RAD54L2: variants seen among roughly 807,000 people sequenced by gnomAD.
The protein encoded by RAD54L2 is RAD54 like 2.
A neutral mutation model predicts 138.4 loss-of-function variants in RAD54L2; 27 were observed. That is an observed-to-expected ratio of 0.20 (90% CI 0.14 to 0.27). The LOEUF is 0.27. Among genes scored for constraint, RAD54L2 ranks in the 10% least tolerant of loss-of-function variants. The pLI, the probability that RAD54L2 is intolerant of heterozygous loss-of-function variation, is 1.00. For missense variants in RAD54L2, 1,396 were observed against 1,890.2 expected (o/e 0.74, Z 4.85); for synonymous variants, 644 against 723.2 (o/e 0.89, Z 1.76).
chr3:51,662,542 A>C lies in RAD54L2; in HGVS notation c.3526A>C (p.Ile1176Leu). 1 of 1,613,794 alleles carries C rather than the reference A, an allele frequency of 6.2e-7. No homozygotes were observed. Among genetic ancestry groups the C allele is most frequent in the Non-Finnish European group, 8.5e-7 (1 of 1,179,850 alleles). ...RPVSPDSPEIISELQQYADVA... is the reference protein window; with the variant it reads ...RPVSPDSPEILSELQQYADVA... ...CGTCTCTCCTGACAGCCCAGAGATC[A>C]TCAGTGAGCTTCAGCAGTATGCAGA... The change falls in exon 23 of 23, where the codon ATC becomes CTC. Residue 1176 changes from isoleucine (I) to leucine (L), a missense_variant. Ile to Leu is a conservative substitution (Grantham distance 5). Transcript: ENST00000684192. This position sits in a 1 kb window ranked among gnomAD's most constrained non-coding sequence, Gnocchi z 4.6.
At chr3:51,627,405 C>T (rs1700716027) in intron 3 of RAD54L2, 148 bp from the exon 4 acceptor site, 1 of 720,382 alleles carries the variant, frequency 1.4e-6, no homozygotes, top group Non-Finnish European at 2.4e-6. Flanking sequence ...GTAGATACAT[C>T]CACTGATGTT....
intron 2 of RAD54L2, among the ~76,000 whole-genome samples, chr3:51,566,137 C>T (rs1699211502): frequency 6.6e-6 from 1 of 152,166 alleles, no homozygotes; most frequent in Non-Finnish European, 1.5e-5. Context: ...ACTGAGCTCC[C>T]TTTATGTCTA....
chr3:51,559,557 C>T (rs1297777352), intron 2 of RAD54L2, among the ~76,000 whole-genome samples: 1 of 152,206 alleles, frequency 6.6e-6, no homozygotes, highest in Non-Finnish European at 1.5e-5. Flanking sequence ...CCTCAGAGCT[C>T]TTCCCTTCCC....
chr3:51,602,075 G>A (rs778369657), intron 3 of RAD54L2, among the ~76,000 whole-genome samples: 43 of 151,738 alleles, frequency 2.8e-4, no homozygotes, highest in Non-Finnish European at 5.6e-4. Flanking sequence ...CAAGTGATCC[G>A]CCTGCCTTTG....
At chr3:51,591,023 A>G (rs1387590165) in intron 3 of RAD54L2, among the ~76,000 whole-genome samples, 1 of 152,166 alleles carries the variant, frequency 6.6e-6, no homozygotes, top group East Asian at 1.9e-4. Context: ...TCTTAGACAG[A>G]TTCACAACTT....
chr3:51,576,636 G>A (rs2106677765), intron 2 of RAD54L2, among the ~76,000 whole-genome samples: 1 of 152,286 alleles, frequency 6.6e-6, no homozygotes, highest in Middle Eastern at 3.4e-3. Context: ...TATTTGTGTA[G>A]AGGTGTTTAT....
chr3:51,577,767 C>T (rs1448834827), intron 2 of RAD54L2, among the ~76,000 whole-genome samples: 1 of 152,098 alleles, frequency 6.6e-6, no homozygotes, highest in Non-Finnish European at 1.5e-5. Flanking sequence ...TCCGTGGGCT[C>T]CACCCAGTGT....
At chr3:51,649,955 TG>T (rs1272892200) in intron 19 of RAD54L2, among the ~76,000 whole-genome samples, 2 of 147,168 alleles carry the variant, frequency 1.4e-5, no homozygotes, top group South Asian at 4.2e-4. Context: ...TAAATGTAAA[TG>T]GGCTAAATGC....
chr3:51,544,316 G>GT (rs1698631307), intron 2 of RAD54L2, among the ~76,000 whole-genome samples: 2 of 152,238 alleles, frequency 1.3e-5, no homozygotes, highest in South Asian at 4.1e-4. Context: ...CTCTGCTTTT[G>GT]TTTTTCCAGG....
At position 51,638,638 on chromosome 3, in the gene RAD54L2, A is replaced by G. The variant is rs1701050469; in HGVS notation, c.1860+317A>G. 1.2e-5 allele frequency: 3 copies of G among 259,532 alleles called. No homozygotes were observed. The allele number at this position is 259,532 out of a possible 1,614,324, so 16.1% of individuals were successfully genotyped here. On this transcript the variant is annotated intron_variant, in intron 12 of 22. Coordinates refer to ENST00000684192, the MANE Select transcript of RAD54L2 (RefSeq NM_015106.4). This position sits in a 1 kb window ranked among gnomAD's most constrained non-coding sequence, Gnocchi z 4.3. Reference sequence around the variant, plus strand: ...AGCGTTTTTGACTGCTAGCATAATCAGAATTCAAGAGATATATAGCTTAGA... The same window carrying G: ...AGCGTTTTTGACTGCTAGCATAATCGGAATTCAAGAGATATATAGCTTAGA...
intron 3 of RAD54L2, among the ~76,000 whole-genome samples, chr3:51,594,918 C>T (rs934992923): frequency 1.7e-5 from 2 of 117,092 alleles, no homozygotes; most frequent in African/African-American, 6.6e-5. Flanking sequence ...GTCATCCAGG[C>T]TGGTGGCACA....
chr3:51,623,581 C>G (rs1700612774), intron 3 of RAD54L2, among the ~76,000 whole-genome samples: 1 of 152,188 alleles, frequency 6.6e-6, no homozygotes, highest in Non-Finnish European at 1.5e-5. Flanking sequence ...ATGCAAAGCT[C>G]ATACTTTTAA....
chr3:51,651,733 A>T (rs918274513), intron 19 of RAD54L2, among the ~76,000 whole-genome samples: 3 of 152,248 alleles, frequency 2.0e-5, no homozygotes, highest in Non-Finnish European at 4.4e-5. Flanking sequence ...ACAAAATTCA[A>T]CAGCCCCTCA....
intron 2 of RAD54L2, among the ~76,000 whole-genome samples, chr3:51,561,031 C>T (rs1052353330): frequency 6.6e-6 from 1 of 152,168 alleles, no homozygotes; most frequent in African/African-American, 2.4e-5. Flanking sequence ...TTATAAAAGA[C>T]GGATCTGCTT....
Position 51,665,493 on chromosome 3 carries a change from C to T in RAD54L2, c.*2073C>T, listed in dbSNP as rs191172153. 6.6e-6 allele frequency: 1 copy of T among 152,290 alleles called. No individual in the cohort carries two copies. Among genetic ancestry groups the T allele is most frequent in the Admixed American group, 6.5e-5 (1 of 15,292 alleles). 9.4% of individuals were successfully genotyped at this position (152,290 alleles called of 1,614,324 possible). The stretch of plus-strand genomic sequence containing the variant: ...AACACCAAAAGTGGAACTTAAGAAG[C>T]TTTGTGTTTTCATAAGCACCCTGCC... On this transcript the variant is annotated 3_prime_UTR_variant, in exon 23 of 23. Transcript: ENST00000684192.
intron 5 of RAD54L2, among the ~76,000 whole-genome samples, chr3:51,629,704 CA>C (rs986722109): frequency 6.6e-6 from 1 of 150,452 alleles, no homozygotes; most frequent in African/African-American, 2.4e-5. Flanking sequence ...ACTAAAAATA[CA>C]AAAAAAAATT....
chr3:51,633,604 A>C lies in RAD54L2; in HGVS notation c.853A>C (p.Asn285His). Residue 285 changes from asparagine (N) to histidine (H), a missense_variant, in exon 8 of 23, where the codon AAC (asparagine) becomes CAC (histidine). Asn to His is a moderately conservative substitution (Grantham distance 68). Coordinates refer to ENST00000684192, the MANE Select transcript of RAD54L2 (RefSeq NM_015106.4). The stretch of plus-strand genomic sequence containing the variant: ...TGGCGGGATCCGGTTCCTTTACGAT[A>C]ACCTAGTGGAGTCTCTGGAGAGGTT... ...QIGGIRFLYD[N>H]LVESLERFKT... 6.2e-7 allele frequency: 1 copy of C among 1,613,848 alleles called. No individual in the cohort carries two copies. The highest frequency in any genetic ancestry group is 8.5e-7 in the Non-Finnish European group (1 of 1,179,774).
intron 3 of RAD54L2, among the ~76,000 whole-genome samples, chr3:51,622,849 C>T (rs1372816275): frequency 6.6e-6 from 1 of 152,158 alleles, no homozygotes; most frequent in Non-Finnish European, 1.5e-5. Flanking sequence ...GTTGGAAGGT[C>T]CTTCTTGTTG....
At chr3:51,584,549 TCC>T (rs1477747172) in intron 2 of RAD54L2, among the ~76,000 whole-genome samples, 1 of 151,354 alleles carries the variant, frequency 6.6e-6, no homozygotes, top group African/African-American at 2.4e-5. Flanking sequence ...ACTTTAACAG[TCC>T]ATAGTGGATC....
Sources: allele counts gnomAD v4.1 joint callset (sites outside exome capture counted in the v4.1 genomes callset), GRCh38; gene constraint gnomAD v4.1.1; non-coding constraint Gnocchi (gnomAD v3.1); transcripts MANE v1.5; gene names NCBI Gene and HGNC (gene_info 2026-07-23, HGNC 2026-07-21).